SNCAIP: variants seen among roughly 807,000 people sequenced by gnomAD.
SNCAIP encodes the protein synuclein alpha interacting protein, also known as synphilin-1.
A neutral mutation model predicts 86.7 loss-of-function variants in SNCAIP; 43 were observed. The observed-to-expected ratio is 0.50, with a 90% CI of 0.39 to 0.64. The LOEUF is 0.64. Among genes scored for constraint, SNCAIP ranks in the 30% least tolerant of loss-of-function variants. The pLI is 0.00. For missense variants in SNCAIP, 981 were observed against 1,103.1 expected, an observed-to-expected ratio of 0.89 and a Z score of 1.57; for synonymous variants, 417 against 427.2, an observed-to-expected ratio of 0.98 and a Z score of 0.29.
chr5:122,414,956 G>A lies in SNCAIP; in HGVS notation c.131-7912G>A, dbSNP rs182497444. On this transcript the variant is annotated intron_variant, in intron 3 of 10. Transcript: ENST00000261368. ...TGCCTTGTACTCAGAAACATAAAAA[G>A]CCTTAACACAAATGTATCGGCAATT... Among the ~76,000 whole-genome samples the A allele has an allele frequency of 1.9e-3, 294 of 152,260 alleles. 1 individual carries two copies. Among genetic ancestry groups the A allele is most frequent in the African/African-American group, 6.6e-3 (274 of 41,550 alleles).
intron 1 of SNCAIP, among the ~76,000 whole-genome samples, chr5:122,314,520 A>C (rs1482030084): frequency 6.6e-6 from 1 of 152,202 alleles, no homozygotes; most frequent in Non-Finnish European, 1.5e-5. Context: ...TTGGGAGAAA[A>C]ATGATATCCT....
rs577530151 is a variant in SNCAIP at position 122,427,474 on chromosome 5, A to G, written c.1182+1943A>G. On this transcript the variant is annotated intron_variant, in intron 5 of 10. Coordinates refer to ENST00000261368, the MANE Select transcript of SNCAIP (RefSeq NM_005460.4). ...CTCAGGCTTTTCATACTTAACTTCC[A>G]GAAAATGATTTGAATGTTCTATTCC... 1.6e-3 allele frequency among the ~76,000 whole-genome samples: 249 copies of G among 152,206 alleles called. 1 individual carries two copies. Among genetic ancestry groups the G allele is most frequent in the African/African-American group, 5.7e-3 (238 of 41,538 alleles).
chr5:122,338,169 TA>T (rs1417614101), intron 1 of SNCAIP, among the ~76,000 whole-genome samples: 4 of 152,234 alleles, frequency 2.6e-5, no homozygotes, highest in African/African-American at 9.6e-5. Flanking sequence ...CACCAACGGT[TA>T]AATAGAACGG....
At chr5:122,460,637 A>G (rs956080887) in intron 10 of SNCAIP, among the ~76,000 whole-genome samples, 1 of 152,200 alleles carries the variant, frequency 6.6e-6, no homozygotes, top group Non-Finnish European at 1.5e-5. Context: ...ATCAGTATTC[A>G]GTGTTAATTA....
intron 7 of SNCAIP, among the ~76,000 whole-genome samples, chr5:122,443,164 A>G (rs1781449545): frequency 6.6e-6 from 1 of 152,186 alleles, no homozygotes; most frequent in African/African-American, 2.4e-5. Flanking sequence ...TCATAAACCA[A>G]AAGGAAAACG....
chr5:122,348,249 C>A (rs538503479), intron 1 of SNCAIP, among the ~76,000 whole-genome samples: 4 of 152,006 alleles, frequency 2.6e-5, no homozygotes, highest in African/African-American at 7.2e-5. Context: ...AAAGTTTATT[C>A]TTTTTTATTA....
intron 3 of SNCAIP, among the ~76,000 whole-genome samples, chr5:122,421,485 C>G (rs1369468915): frequency 6.6e-6 from 1 of 152,190 alleles, no homozygotes; most frequent in Non-Finnish European, 1.5e-5. Context: ...CACTTTCACC[C>G]TAAGAATCAG....
intron 3 of SNCAIP, among the ~76,000 whole-genome samples, chr5:122,409,256 A>G (rs942127326): frequency 7.2e-5 from 11 of 152,228 alleles, no homozygotes; most frequent in African/African-American, 2.4e-4. Context: ...ATGGTGACAT[A>G]TGGTGTTCAA....
chr5:122,449,994 C>T, intron 9 of SNCAIP, 57 bp downstream of exon 9: 1 of 1,126,440 alleles, frequency 8.9e-7, no homozygotes, highest in South Asian at 1.2e-5. Context: ...GTTAAGCCTT[C>T]TTCTGAACTT....
chr5:122,442,277 G>T (rs1165033521), intron 7 of SNCAIP, among the ~76,000 whole-genome samples: 1 of 152,072 alleles, frequency 6.6e-6, no homozygotes, highest in Non-Finnish European at 1.5e-5. Flanking sequence ...GCTCAGGAAG[G>T]TAGAGGAGAC....
rs544553049 is a variant in SNCAIP at position 122,372,316 on chromosome 5, A to G, written c.-46-18773A>G. On this transcript the variant is annotated intron_variant, in intron 1 of 10. Coordinates refer to ENST00000261368, the MANE Select transcript of SNCAIP (RefSeq NM_005460.4). ...ACATTTGCCAGTTTCCATGGTGTAA[A>G]TACTCCCAGCATGGCCAATTGTAAG... 7.9e-5 allele frequency among the ~76,000 whole-genome samples: 12 copies of G among 152,278 alleles called. No homozygotes were observed. In the South Asian group the frequency reaches 2.5e-3, roughly 32 times the overall value.
chr5:122,339,336 A>G (rs956761062), intron 1 of SNCAIP, among the ~76,000 whole-genome samples: 3 of 152,206 alleles, frequency 2.0e-5, no homozygotes, highest in African/African-American at 7.2e-5. Flanking sequence ...TTTTACACAC[A>G]TGGAATGCCA....
intron 1 of SNCAIP, chr5:122,371,213 G>A (rs932101195): frequency 6.6e-6 from 1 of 151,900 alleles, no homozygotes; most frequent in African/African-American, 2.4e-5. Flanking sequence ...AGGCTGAAGT[G>A]GGAGGATCAC....
intron 3 of SNCAIP, among the ~76,000 whole-genome samples, chr5:122,404,729 T>G (rs1191205832): frequency 6.6e-6 from 1 of 152,194 alleles, no homozygotes; most frequent in Non-Finnish European, 1.5e-5. Flanking sequence ...TAAATAGATG[T>G]GCCTTACCTA....
At chr5:122,396,994 A>G (rs186837054) in intron 2 of SNCAIP, among the ~76,000 whole-genome samples, 2 of 152,230 alleles carry the variant, frequency 1.3e-5, no homozygotes, top group East Asian at 3.9e-4. Context: ...TATGATTGCT[A>G]ACATTTATTG....
chr5:122,401,755 A>G (rs925651395), intron 2 of SNCAIP, among the ~76,000 whole-genome samples: 6 of 152,192 alleles, frequency 3.9e-5, no homozygotes, highest in African/African-American at 1.4e-4. Context: ...CACCTAGGCT[A>G]GTGTCCGCCT....
At chr5:122,325,141 A>G (rs1240715274) in intron 1 of SNCAIP, among the ~76,000 whole-genome samples, 1 of 152,138 alleles carries the variant, frequency 6.6e-6, no homozygotes, top group East Asian at 1.9e-4. Flanking sequence ...AGTTTGGGAC[A>G]CTTGGGATAA....
At chr5:122,436,280 T>C (rs1429717842) in intron 6 of SNCAIP, among the ~76,000 whole-genome samples, 18 of 151,942 alleles carry the variant, frequency 1.2e-4, no homozygotes. Flanking sequence ...ATGGAGATAA[T>C]AGAACCTTCC....
chr5:122,404,165 C>T (rs7734459), intron 3 of SNCAIP, among the ~76,000 whole-genome samples: 13 of 151,972 alleles, frequency 8.6e-5, no homozygotes, highest in African/African-American at 3.1e-4. Context: ...ACTGAAAACC[C>T]GAGAAACCAT....
Sources: gnomAD v4.1 joint callset for allele counts (sites outside exome capture counted in the v4.1 genomes callset) on GRCh38, gnomAD v4.1.1 for gene constraint, MANE v1.5 for transcripts, NCBI Gene and HGNC (gene_info 2026-07-23, HGNC 2026-07-21) for gene names.